The following SMTNL1 variants were observed in gnomAD, a reference collection of about 807,000 sequenced individuals.
SMTNL1 encodes the protein smoothelin-like protein 1.
In SMTNL1, 41 loss-of-function variants were observed where a neutral mutation model predicts 46.6. The observed-to-expected ratio is 0.88, with a 90% confidence interval of 0.69 to 1.14. The LOEUF is 1.14. Ranked by LOEUF, SMTNL1 falls within the 50% of genes most tolerant of loss-of-function variation. The probability of loss-of-function intolerance (pLI) is 0.00; values close to 1 mark genes in which losing one functional copy is unlikely to be tolerated. For synonymous variants in SMTNL1, 234 were observed against 234.2 expected (o/e 1.00, Z 0.01); for missense variants, 591 against 626.1 (o/e 0.94, Z 0.60).
At chr11:57,547,997 T>G (rs2135267731) in intron 7 of SMTNL1, among the ~76,000 whole-genome samples, 1 of 152,070 alleles carries the variant, frequency 6.6e-6, no homozygotes, top group Non-Finnish European at 1.5e-5. Flanking sequence ...GCCCCCGGGG[T>G]TGTGTTGCTC....
Position 57,545,858 on chromosome 11 carries a change from C to T in SMTNL1, c.918-23C>T, listed in dbSNP as rs374465047. 53 of 1,604,712 alleles carry T rather than the reference C, an allele frequency of 3.3e-5. No homozygotes were observed. The African/African-American group carries it at 6.0e-4, about 18-fold the overall frequency. On this transcript the variant is annotated intron_variant, in intron 4 of 7. Coordinates refer to ENST00000527972, the MANE Select transcript of SMTNL1 (RefSeq NM_001105565.3). Reference sequence around the variant, plus strand: ...AGTGCTGGTCCCAGCCTCTCTCACACGTCTTTGGACTTCTCCATATAGTGA... The same window carrying T: ...AGTGCTGGTCCCAGCCTCTCTCACATGTCTTTGGACTTCTCCATATAGTGA...
intron 7 of SMTNL1, among the ~76,000 whole-genome samples, chr11:57,548,498 T>C (rs1393892082): frequency 6.6e-6 from 1 of 151,976 alleles, no homozygotes; most frequent in Non-Finnish European, 1.5e-5. Context: ...GGTGAAACCT[T>C]GTCTCTACTA....
intron 2 of SMTNL1, 83 bp from the exon 3 acceptor site, chr11:57,543,541 C>T (rs1944899089): frequency 3.9e-6 from 6 of 1,542,540 alleles, no homozygotes; most frequent in Non-Finnish European, 5.2e-6. Flanking sequence ...TCCCAGGCTG[C>T]CTTTCAGAAC....
intron 1 of SMTNL1, among the ~76,000 whole-genome samples, chr11:57,537,930 G>C (rs945110485): frequency 2.6e-5 from 4 of 152,288 alleles, no homozygotes; most frequent in Admixed American, 6.5e-5. Context: ...GGGGTAGACT[G>C]TCTAAGCCAA....
At chr11:57,547,506 A>T (rs1231226419) in intron 7 of SMTNL1, among the ~76,000 whole-genome samples, 2 of 152,218 alleles carry the variant, frequency 1.3e-5, no homozygotes, top group Non-Finnish European at 2.9e-5. Flanking sequence ...ACCTCTCTAG[A>T]GGCCCCACAT....
chr11:57,546,811 G>T (rs552146792), intron 7 of SMTNL1, among the ~76,000 whole-genome samples, 159 bp downstream of exon 7: 5 of 152,286 alleles, frequency 3.3e-5, no homozygotes, highest in Admixed American at 1.3e-4. Flanking sequence ...CAGGCCCTGG[G>T]GATACAGCAG....
chr11:57,543,862 C>T lies in SMTNL1; in HGVS notation c.866-7C>T. 3 of 1,590,382 alleles carry T rather than the reference C, an allele frequency of 1.9e-6. No individual in the cohort carries two copies. In the African/African-American group the frequency reaches 4.0e-5, roughly 21 times the overall value. The stretch of plus-strand genomic sequence containing the variant: ...CAGCTTCCCTCCCTCCTTTCACTTT[C>T]CTCCAGATGGGCTGGGTCCAGACTG... On this transcript the variant is annotated splice_region_variant and splice_polypyrimidine_tract_variant and intron_variant, in intron 3 of 7. Transcript: ENST00000527972.
At chr11:57,545,295 A>G (rs1944912991) in intron 4 of SMTNL1, among the ~76,000 whole-genome samples, 1 of 152,100 alleles carries the variant, frequency 6.6e-6, no homozygotes, top group South Asian at 2.1e-4. Context: ...CAGTCCCAAG[A>G]TCACACAGCA....
rs776016172 is a variant in SMTNL1, at chr11:57,546,302, G to C, written c.1143G>C (p.Lys381Asn). 1.2e-6 allele frequency: 2 copies of C among 1,611,620 alleles called. No homozygotes were observed. Among genetic ancestry groups the C allele is most frequent in the Non-Finnish European group, 1.7e-6 (2 of 1,179,050 alleles). ...KAAGAAIGGV[K>N]NMLLEWCRAM... ...CCGGGGCAGCCATTGGTGGTGTCAA[G>C]AACATGCTCTTGGAGTGGTGCCGAG... The change falls in exon 6 of 8, where the codon AAG becomes AAC. Residue 381 changes from lysine (K) to asparagine (N), a missense_variant. By Grantham distance (94) the Lys-to-Asn change is moderately conservative. Transcript: ENST00000527972.
intron 1 of SMTNL1, among the ~76,000 whole-genome samples, chr11:57,539,276 G>A (rs1944855313): frequency 6.6e-6 from 1 of 152,224 alleles, no homozygotes; most frequent in African/African-American, 2.4e-5. Flanking sequence ...AAGATCCGTT[G>A]AGTCCAGGAG....
intron 7 of SMTNL1, among the ~76,000 whole-genome samples, chr11:57,547,617 G>A (rs1211798087): frequency 6.6e-6 from 1 of 152,244 alleles, no homozygotes; most frequent in Non-Finnish European, 1.5e-5. Flanking sequence ...GATTCCCATG[G>A]AGTCCGGGGA....
chr11:57,542,633 C>G lies in SMTNL1; in HGVS notation c.-2-8C>G. 6.3e-7 allele frequency: 1 copy of G among 1,592,716 alleles called. No homozygotes were observed. The highest frequency in any genetic ancestry group is 8.6e-7 in the Non-Finnish European group (1 of 1,169,484). On this transcript the variant is annotated splice_region_variant and splice_polypyrimidine_tract_variant and intron_variant, in intron 1 of 7. Coordinates refer to ENST00000527972, the MANE Select transcript of SMTNL1 (RefSeq NM_001105565.3). ...GCATGACCAGGTCTGCTTGTCTTCTCTTTCCAGAGATGGAGCAGAAGGAAG... is the reference window on the plus strand; with the variant it reads ...GCATGACCAGGTCTGCTTGTCTTCTGTTTCCAGAGATGGAGCAGAAGGAAG...
Position 57,543,907 on chromosome 11 carries a change from AGTC to A in SMTNL1, c.905_907del (p.Ser302_Pro303delinsThr). 6.3e-7 allele frequency: 1 copy of A among 1,586,532 alleles called. No homozygotes were observed. Among genetic ancestry groups the A allele is most frequent in the Non-Finnish European group, 8.6e-7 (1 of 1,166,122 alleles). On this transcript the variant is annotated inframe_deletion, in exon 4 of 8. Coordinates refer to ENST00000527972, the MANE Select transcript of SMTNL1 (RefSeq NM_001105565.3). ...AGACTGTGTAGCTTCCGGACAGACC[AGTC>A]CTTCAGCCAGGTAATGTCAAACTCT...
chr11:57,546,133 G>C, intron 5 of SMTNL1, 97 bp downstream of exon 5: 1 of 1,515,902 alleles, frequency 6.6e-7, no homozygotes, highest in South Asian at 1.3e-5. Flanking sequence ...CCCAGGCCAA[G>C]GCAGGAGGAC....
chr11:57,547,786 T>A (rs1384282762), intron 7 of SMTNL1, among the ~76,000 whole-genome samples: 2 of 152,242 alleles, frequency 1.3e-5, no homozygotes, highest in African/African-American at 2.4e-5. Flanking sequence ...AGGGAGCTTG[T>A]CCCATTCTCC....
At chr11:57,548,927 A>G (rs999090978) in intron 7 of SMTNL1, among the ~76,000 whole-genome samples, 7 of 152,132 alleles carry the variant, frequency 4.6e-5, no homozygotes, top group Non-Finnish European at 5.9e-5. Flanking sequence ...TAGGCTCCTG[A>G]TAAGTACATA....
In SMTNL1 at chr11:57,542,910, G is replaced by A. The variant is rs1350041079; in HGVS notation, c.268G>A (p.Ala90Thr). The A allele has an allele frequency of 6.2e-7, 1 of 1,608,070 alleles. No homozygotes were observed. The highest frequency in any genetic ancestry group is 1.7e-5 in the Admixed American group (1 of 58,824). Residue 90 changes from alanine to threonine, a missense_variant, in exon 2 of 8, where the codon GCT becomes ACT. Coordinates refer to ENST00000527972, the MANE Select transcript of SMTNL1 (RefSeq NM_001105565.3). Reference sequence around the variant, plus strand: ...GAGGGAGGCTGGTGGGAAAGAGGATGCTGAGGCTGAACTTAAAAAGGAGGA... The same window carrying A: ...GAGGGAGGCTGGTGGGAAAGAGGATACTGAGGCTGAACTTAAAAAGGAGGA... Reference protein sequence around the residue: ...SQREAGGKEDAEAELKKEDGE... With the variant: ...SQREAGGKEDTEAELKKEDGE...
At chr11:57,546,149 C>A in intron 5 of SMTNL1, 84 bp from the exon 6 acceptor site, 1 of 1,508,004 alleles carries the variant, frequency 6.6e-7, no homozygotes, top group Non-Finnish European at 8.9e-7. Flanking sequence ...AGGACTGACA[C>A]CTGGGGGCTG....
chr11:57,541,284 G>A (rs1202633498), intron 1 of SMTNL1, among the ~76,000 whole-genome samples: 3 of 152,136 alleles, frequency 2.0e-5, no homozygotes, highest in Non-Finnish European at 4.4e-5. Context: ...CCAAGGGCAG[G>A]GGGTATTTTT....
Sources: gnomAD v4.1 joint callset for allele counts (sites outside exome capture counted in the v4.1 genomes callset) on GRCh38, gnomAD v4.1.1 for gene constraint, MANE v1.5 for transcripts, NCBI Gene and HGNC (gene_info 2026-07-23, HGNC 2026-07-21) for gene names.